The following GALNT17 variants were observed in gnomAD, a reference collection of about 807,000 sequenced individuals.
GALNT17 encodes UDP-GalNAc:polypeptide N-acetylgalactosaminyltransferase-like 3.
Under a neutral mutation model 63.7 loss-of-function variants are expected in GALNT17, and 29 were observed. The observed-to-expected ratio is 0.46, with a 90% CI of 0.34 to 0.62. The LOEUF is 0.62. GALNT17 is among the 20% of genes least tolerant of loss of function. The pLI is 0.01. For missense variants in GALNT17, 603 were observed against 799.6 expected (o/e 0.75, Z 2.97); for synonymous variants, 305 against 318.3 (o/e 0.96, Z 0.45).
intron 6 of GALNT17, among the ~76,000 whole-genome samples, chr7:71,642,049 G>GT (rs1175825823): frequency 6.6e-5 from 10 of 152,278 alleles, no homozygotes; most frequent in African/African-American, 2.2e-4. Flanking sequence ...AGCATCAGCT[G>GT]TCCCCCCACT....
rs531688695 is a variant in GALNT17 at position 71,211,357 on chromosome 7, G to A, written c.238+78317G>A. Among the ~76,000 whole-genome samples, 8 of 152,256 alleles carry A rather than the reference G, an allele frequency of 5.3e-5. No homozygotes were observed. In the South Asian group the frequency reaches 6.2e-4, roughly 12 times the overall value. On this transcript the variant is annotated intron_variant, in intron 1 of 10. Coordinates refer to ENST00000333538, the MANE Select transcript of GALNT17 (RefSeq NM_022479.3). ...CTCTTGCTGCTGCCATGTAAGATGC[G>A]GCATGTGCCTTTTACCTCCCCACAT...
rs186957376 is a variant in GALNT17, at chr7:71,290,399, C to T, written c.239-45151C>T. ...AGGGAGCTGCTCTGGATTGCGATGC[C>T]GTCTTGCAGGTGGCTGATGCTATAA... On this transcript the variant is annotated intron_variant, in intron 1 of 10. Transcript: ENST00000333538. Among the ~76,000 whole-genome samples the T allele has an allele frequency of 2.0e-3, 309 of 152,206 alleles. 1 individual carries two copies. The highest frequency in any genetic ancestry group is 6.9e-3 in the African/African-American group (288 of 41,532).
chr7:71,217,140 G>GTTTTTTTTT (rs200574411), intron 1 of GALNT17, among the ~76,000 whole-genome samples: 2 of 95,216 alleles, frequency 2.1e-5, no homozygotes, highest in Non-Finnish European at 4.2e-5. Context: ...ATTTTTTCGT[G>GTTTTTTTTT]TTTTGTTTTT....
At chr7:71,413,907 G>C (rs528365860) in intron 3 of GALNT17, among the ~76,000 whole-genome samples, 1 of 150,552 alleles carries the variant, frequency 6.6e-6, no homozygotes, top group Non-Finnish European at 1.5e-5. Flanking sequence ...GTAAGAGTGA[G>C]AATGGTGTCT....
chr7:71,454,858 T>C (rs1224744430), intron 5 of GALNT17, among the ~76,000 whole-genome samples: 1 of 152,014 alleles, frequency 6.6e-6, no homozygotes, highest in Non-Finnish European at 1.5e-5. Context: ...CCATGGTCAG[T>C]GGTCTCTTAT....
intron 5 of GALNT17, among the ~76,000 whole-genome samples, chr7:71,438,139 ATATGTATG>A (rs918164089): frequency 6.6e-6 from 1 of 152,176 alleles, no homozygotes; most frequent in African/African-American, 2.4e-5. Context: ...AACTAATAAT[ATATGTATG>A]TATGTATGTA....
At chr7:71,328,614 G>A (rs1791745534) in intron 1 of GALNT17, among the ~76,000 whole-genome samples, 2 of 151,746 alleles carry the variant, frequency 1.3e-5, no homozygotes, top group African/African-American at 4.8e-5. Flanking sequence ...ACAGTTTCTG[G>A]GGCCTGCAAA....
intron 9 of GALNT17, among the ~76,000 whole-genome samples, chr7:71,682,698 C>A (rs1172981602): frequency 6.6e-6 from 1 of 152,094 alleles, no homozygotes; most frequent in South Asian, 2.1e-4. Flanking sequence ...GCATGAATCA[C>A]CTTGCCCAGC....
At chr7:71,586,972 A>G (rs566780181) in intron 6 of GALNT17, among the ~76,000 whole-genome samples, 2 of 152,156 alleles carry the variant, frequency 1.3e-5, no homozygotes, top group African/African-American at 4.8e-5. Flanking sequence ...ATCCAACTGT[A>G]TGTTTGTATC....
At chr7:71,304,438 T>C (rs1159565932) in intron 1 of GALNT17, among the ~76,000 whole-genome samples, 1 of 152,186 alleles carries the variant, frequency 6.6e-6, no homozygotes, top group South Asian at 2.1e-4. Flanking sequence ...TACCGTATGA[T>C]CTTAAATACA....
chr7:71,461,528 G>A (rs543287915), intron 5 of GALNT17, among the ~76,000 whole-genome samples: 1 of 152,216 alleles, frequency 6.6e-6, no homozygotes, highest in African/African-American at 2.4e-5. Flanking sequence ...AAAGAACTTA[G>A]AGGAGCATTT....
chr7:71,348,365 G>A (rs879901613), intron 2 of GALNT17, among the ~76,000 whole-genome samples: 4 of 152,186 alleles, frequency 2.6e-5, no homozygotes, highest in Admixed American at 6.5e-5. Context: ...AATTGGCAAT[G>A]TTAATTAGAT....
At chr7:71,677,156 A>G in intron 8 of GALNT17, 55 bp from the exon 9 acceptor site, 1 of 1,579,602 alleles carries the variant, frequency 6.3e-7, no homozygotes, top group Non-Finnish European at 8.7e-7. Flanking sequence ...GTGACTCGGC[A>G]TCCACACCTC....
At chr7:71,355,995 G>A (rs1792277605) in intron 2 of GALNT17, among the ~76,000 whole-genome samples, 2 of 149,686 alleles carry the variant, frequency 1.3e-5, no homozygotes, top group South Asian at 4.2e-4. Context: ...TTTTTTTTCT[G>A]AGACAGAGTC....
chr7:71,133,106 G>T, intron 1 of GALNT17, 66 bp downstream of exon 1: 1 of 1,355,356 alleles, frequency 7.4e-7, no homozygotes, highest in Non-Finnish European at 9.7e-7. Context: ...TGAGCCCCAG[G>T]GTCCTTGCGC....
At chr7:71,372,708 G>A (rs1792647394) in intron 2 of GALNT17, among the ~76,000 whole-genome samples, 1 of 152,188 alleles carries the variant, frequency 6.6e-6, no homozygotes, top group Non-Finnish European at 1.5e-5. Flanking sequence ...TCTTGCCTCT[G>A]CTTCTCCAAG....
intron 1 of GALNT17, among the ~76,000 whole-genome samples, chr7:71,186,367 T>C (rs1788851343): frequency 6.6e-6 from 1 of 152,182 alleles, no homozygotes; most frequent in Non-Finnish European, 1.5e-5. Context: ...ACTGAAAACT[T>C]AGTGTACAAG....
chr7:71,315,140 C>T (rs11976002), intron 1 of GALNT17, among the ~76,000 whole-genome samples: 8,613 of 152,102 alleles, frequency 0.057, 515 homozygotes, highest in African/African-American at 0.15. Context: ...GTTTTTTTGT[C>T]GGCCTTTATT....
At chr7:71,370,078 TAG>T (rs1792593529) in intron 2 of GALNT17, among the ~76,000 whole-genome samples, 1 of 152,162 alleles carries the variant, frequency 6.6e-6, no homozygotes, top group Non-Finnish European at 1.5e-5. Flanking sequence ...GATGCTCAGT[TAG>T]AGAGTTCGGC....
Sources: gnomAD v4.1 joint callset for allele counts (sites outside exome capture counted in the v4.1 genomes callset) on GRCh38, gnomAD v4.1.1 for gene constraint, MANE v1.5 for transcripts, NCBI Gene and HGNC (gene_info 2026-07-23, HGNC 2026-07-21) for gene names.